ERICH1: variants seen among roughly 807,000 people sequenced by gnomAD.
The protein encoded by ERICH1 is glutamate rich 1.
In ERICH1, 56 loss-of-function variants were observed where a neutral mutation model predicts 39.6. The observed-to-expected ratio is 1.41, with a 90% confidence interval of 1.14 to 1.77. The LOEUF is 1.77. Ranked by LOEUF, ERICH1 falls within the 40% of genes most tolerant of loss-of-function variation. The pLI is 0.00. For synonymous variants in ERICH1, 313 were observed against 223.6 expected (o/e 1.40, Z -3.57); for missense variants, 826 against 575.4 (o/e 1.44, Z -4.45).
rs1802679849 is a variant in ERICH1, at chr8:668,710, C to T, written c.1146G>A (p.Leu382=). ...LLDRLASHSM[L]PSDVSILYHM... is the part of the protein sequence containing the mutation. ...GGTACAGGATGGACACGTCTGAGGG[C>T]AGCATGCTGTGTGACGCAAGGCGGT... Residue 382 remains leucine, a synonymous_variant, in exon 5 of 6, where the codon CTG becomes CTA. Coordinates refer to ENST00000262109, the MANE Select transcript of ERICH1 (RefSeq NM_207332.3). The T allele has an allele frequency of 2.5e-6, 4 of 1,613,830 alleles. No individual in the cohort carries two copies. Among genetic ancestry groups the T allele is most frequent in the African/African-American group, 1.3e-5 (1 of 74,950 alleles).
chr8:699,519 C>G (rs1811187071), intron 2 of ERICH1, among the ~76,000 whole-genome samples: 1 of 152,210 alleles, frequency 6.6e-6, no homozygotes, highest in African/African-American at 2.4e-5. Context: ...CCCAGACCCT[C>G]CCCACCCCTC....
Position 684,755 on chromosome 8 carries a change from C to T in ERICH1, c.304+7723G>A, listed in dbSNP as rs756135800. Among the ~76,000 whole-genome samples the T allele has an allele frequency of 7.9e-5, 12 of 151,980 alleles. No individual in the cohort carries two copies. In the East Asian group the frequency reaches 1.5e-3, roughly 20 times the overall value. ...GAGAGAAATTTTAAAGCTGGGTGTC[C>T]GGGGGAGACATCACATGTCAGCAGG... On this transcript the variant is annotated intron_variant, in intron 3 of 5. Transcript: ENST00000262109.
chr8:718,969 T>A (rs1269870366), intron 1 of ERICH1, among the ~76,000 whole-genome samples: 1 of 151,980 alleles, frequency 6.6e-6, no homozygotes, highest in African/African-American at 2.4e-5. Flanking sequence ...TGCGCTCCCA[T>A]CTGTACCCAG....
At position 678,839 on chromosome 8, in the gene ERICH1, C is replaced by T. The variant is rs574276260; in HGVS notation, c.305-4792G>A. On this transcript the variant is annotated intron_variant, in intron 3 of 5. Transcript: ENST00000262109. ...AAAGAAAAAGCCAACACATGTCTTA[C>T]ATACCCGTTTCCAGATAGCAGAAAA... is the stretch of plus-strand genomic sequence containing the variant. Among the ~76,000 whole-genome samples the T allele has an allele frequency of 2.0e-5, 3 of 152,246 alleles. No individual in the cohort carries two copies. The East Asian group carries it at 5.8e-4, about 29-fold the overall frequency.
chr8:637,253 G>A (rs897148122), intron 3 of ERICH1, among the ~76,000 whole-genome samples: 10 of 152,172 alleles, frequency 6.6e-5, no homozygotes, highest in South Asian at 2.1e-4. Flanking sequence ...CAACAGCCTC[G>A]TCCCCGGCAT....
At position 664,675 on chromosome 8, in the gene ERICH1, G is replaced by C. The variant is rs942160211; in HGVS notation, c.1260C>G (p.Asp420Glu). The stretch of plus-strand genomic sequence containing the variant: ...AGAAAGCTGAGATTACTCTGGCATG[G>C]TCTAGAAAGCAAAAAACACAAAACA... Reference protein sequence around the residue: ...MFPEHCTMPPDHARVISAFFS... With the variant: ...MFPEHCTMPPEHARVISAFFS... The change falls in exon 6 of 6, where the codon GAC (aspartate) becomes GAG (glutamate). Residue 420 changes from aspartate to glutamate, a missense_variant and splice_region_variant. Transcript: ENST00000262109. The C allele has an allele frequency of 1.9e-6, 3 of 1,604,504 alleles. No homozygotes were observed. The highest frequency in any genetic ancestry group is 2.2e-5 in the South Asian group (2 of 89,270).
chr8:693,357 G>A (rs1284165467), intron 2 of ERICH1, among the ~76,000 whole-genome samples: 3 of 152,250 alleles, frequency 2.0e-5, no homozygotes, highest in Non-Finnish European at 4.4e-5. Context: ...ATAATTGAGT[G>A]AATACAGTGT....
At chr8:614,907 A>T (rs576670632) in exon 4 of ERICH1, 119 of 253,916 alleles carry the variant, frequency 4.7e-4, no homozygotes, top group Non-Finnish European at 8.0e-4. Flanking sequence ...CAGTTGCATG[A>T]CACCAAGGAG....
chr8:686,670 A>AT (rs1166515546), intron 3 of ERICH1: 1 of 152,250 alleles, frequency 6.6e-6, no homozygotes. Flanking sequence ...GCCTTTTCTG[A>AT]TGGCCCAGGA....
intron 1 of ERICH1, among the ~76,000 whole-genome samples, chr8:716,530 A>G (rs1360124594): frequency 6.6e-6 from 1 of 152,238 alleles, no homozygotes; most frequent in African/African-American, 2.4e-5. Flanking sequence ...GAACGTGTCA[A>G]CAACTGCGAA....
intron 3 of ERICH1, among the ~76,000 whole-genome samples, chr8:676,984 A>C (rs766621204): frequency 3.3e-5 from 5 of 152,234 alleles, no homozygotes; most frequent in Non-Finnish European, 7.3e-5. Flanking sequence ...ATGAGATAGA[A>C]TACATGAGTT....
chr8:636,714 C>T (rs1798467413), intron 3 of ERICH1, among the ~76,000 whole-genome samples: 1 of 152,258 alleles, frequency 6.6e-6, no homozygotes, highest in African/African-American at 2.4e-5. Context: ...ACACTGTGAC[C>T]TCTGGGGAGG....
intron 2 of ERICH1, among the ~76,000 whole-genome samples, chr8:698,758 G>A (rs748027869): frequency 6.6e-6 from 1 of 152,116 alleles, no homozygotes; most frequent in Non-Finnish European, 1.5e-5. Flanking sequence ...GATTACAGGC[G>A]TGAGTCACTG....
intron 1 of ERICH1, among the ~76,000 whole-genome samples, chr8:717,419 C>G (rs1460779582): frequency 6.6e-6 from 1 of 152,190 alleles, no homozygotes; most frequent in Non-Finnish European, 1.5e-5. Context: ...CAGGGAGCAA[C>G]AGGTGGTCTG....
intron 4 of ERICH1, among the ~76,000 whole-genome samples, chr8:671,021 C>T (rs1472223526): frequency 9.3e-5 from 14 of 150,788 alleles, no homozygotes; most frequent in African/African-American, 2.7e-4. Context: ...CTGAACCTGC[C>T]GGCCCCTGCT....
intron 2 of ERICH1, among the ~76,000 whole-genome samples, chr8:713,222 A>ACACAGT (rs1491325640): frequency 1.1e-4 from 16 of 152,326 alleles, no homozygotes; most frequent in African/African-American, 3.6e-4. Flanking sequence ...CCATCTCCAA[A>ACACAGT]CACAGTCACA....
chr8:617,600 A>G (rs1015943331), intron 3 of ERICH1, among the ~76,000 whole-genome samples: 1 of 138,244 alleles, frequency 7.2e-6, no homozygotes, highest in African/African-American at 2.8e-5. Flanking sequence ...TTGGTGCTCC[A>G]TCTGTTCTCA....
chr8:626,824 G>A (rs73531450), intron 3 of ERICH1: 4,541 of 257,362 alleles, frequency 0.018, 211 homozygotes, highest in African/African-American at 0.093. Context: ...ATCACATCAT[G>A]GAGTTTTTGG....
chr8:670,215 T>C (rs1802980231), intron 4 of ERICH1, among the ~76,000 whole-genome samples: 1 of 152,220 alleles, frequency 6.6e-6, no homozygotes, highest in Admixed American at 6.5e-5. Context: ...AAAATTTCCA[T>C]TTGATTATTT....
Sources: allele counts gnomAD v4.1 joint callset (sites outside exome capture counted in the v4.1 genomes callset), GRCh38; gene constraint gnomAD v4.1.1; transcripts MANE v1.5; gene names NCBI Gene and HGNC (gene_info 2026-07-23, HGNC 2026-07-21).